HECTD4: variants seen among roughly 807,000 people sequenced by gnomAD.
HECTD4 encodes the protein HECT domain E3 ubiquitin protein ligase 4.
A neutral mutation model predicts 471.5 loss-of-function variants in HECTD4; 114 were observed. The ratio of observed to expected loss-of-function variants is 0.24; its 90% CI spans 0.21 to 0.28. The LOEUF (loss-of-function observed/expected upper bound fraction) is 0.28. Ranked by LOEUF, HECTD4 falls within the 10% of genes least tolerant of loss-of-function variation. The pLI is 1.00. For missense variants in HECTD4, 3,866 were observed against 5,651.5 expected, an observed-to-expected ratio of 0.68 and a Z score of 10.13; for synonymous variants, 2,012 against 2,256.0, an observed-to-expected ratio of 0.89 and a Z score of 3.07.
Position 112,172,806 on chromosome 12 carries a change from C to T in HECTD4, c.11650G>A (p.Glu3884Lys). 6.2e-7 allele frequency: 1 copy of T among 1,613,996 alleles called. No individual in the cohort carries two copies. Among genetic ancestry groups the T allele is most frequent in the Non-Finnish European group, 8.5e-7 (1 of 1,179,892 alleles). The change falls in exon 67 of 76, where the codon GAG becomes AAG. Residue 3884 changes from glutamate (E) to lysine (K), a missense_variant. Coordinates refer to ENST00000682272, the MANE Select transcript of HECTD4 (RefSeq NM_001388303.1). ...TACTGCACAAGTGCCACGTCCATCT[C>T]CAGGGTCCACTTTCTTGAGGCCTTC... ...AQKASRKWTL[E>K]MDVALVQYIN...
At position 112,273,868 on chromosome 12, in the gene HECTD4, C is replaced by T. The variant is rs1014879825; in HGVS notation, c.1802-73G>A. On this transcript the variant is annotated intron_variant, in intron 10 of 75. Coordinates refer to ENST00000682272, the MANE Select transcript of HECTD4 (RefSeq NM_001388303.1). The stretch of plus-strand genomic sequence containing the variant: ...GTATACATATTTCTCACAAGCACTG[C>T]TACAAAGTGGAAGGGCAAGGATGCT... 1.9e-6 allele frequency: 3 copies of T among 1,541,492 alleles called. No homozygotes were observed. The African/African-American group carries it at 4.1e-5, about 21-fold the overall frequency.
intron 69 of HECTD4, 137 bp from the exon 70 acceptor site, chr12:112,169,795 T>C: frequency 1.0e-6 from 1 of 991,810 alleles, no homozygotes. Context: ...CTGTGCCTTC[T>C]CTGCCCTCAG....
chr12:112,288,155 C>T (rs2034796695), intron 7 of HECTD4, among the ~76,000 whole-genome samples: 1 of 151,214 alleles, frequency 6.6e-6, no homozygotes, highest in Non-Finnish European at 1.5e-5. Flanking sequence ...GTGGTTAAAC[C>T]CCATCTCTAC....
At chr12:112,318,112 T>G (rs933604068) in intron 2 of HECTD4, among the ~76,000 whole-genome samples, 1 of 151,462 alleles carries the variant, frequency 6.6e-6, no homozygotes, top group African/African-American at 2.4e-5. Flanking sequence ...CCATCTCTAC[T>G]AAAAATACAA....
At chr12:112,357,161 C>T (rs1235495586) in intron 1 of HECTD4, among the ~76,000 whole-genome samples, 1 of 152,098 alleles carries the variant, frequency 6.6e-6, no homozygotes, top group African/African-American at 2.4e-5. Flanking sequence ...TTCTATGATC[C>T]TAAAGCTAAA....
chr12:112,374,541 A>G (rs1228075431), intron 1 of HECTD4, among the ~76,000 whole-genome samples: 1 of 152,204 alleles, frequency 6.6e-6, no homozygotes, highest in East Asian at 1.9e-4. Context: ...AGCTCACAGA[A>G]TACTGCACCA....
At position 112,162,541 on chromosome 12, in the gene HECTD4, A is replaced by G. The variant is rs755020522; in HGVS notation, c.13121-18T>C. ...TGGGGAACCTACAAGAAACCGAGCC[A>G]GCATCAGAGGGTTGGGCCCACATCT... On this transcript the variant is annotated intron_variant, in intron 75 of 75. Coordinates refer to ENST00000682272, the MANE Select transcript of HECTD4 (RefSeq NM_001388303.1). The surrounding 1 kb of genome is among the most constrained non-coding windows in gnomAD (Gnocchi z 5.2). The G allele has an allele frequency of 1.9e-5, 31 of 1,613,774 alleles. No homozygotes were observed. Among genetic ancestry groups the G allele is most frequent in the Non-Finnish European group, 2.6e-5 (31 of 1,179,862 alleles).
intron 1 of HECTD4, among the ~76,000 whole-genome samples, chr12:112,363,992 CAAAAAAAAAAA>C (rs1175386198): frequency 3.8e-5 from 2 of 52,886 alleles, no homozygotes; most frequent in African/African-American, 1.5e-4. Flanking sequence ...ACTCAATCTC[CAAAAAAAAAAA>C]AAAAAAAAAA....
At chr12:112,214,353 TCA>T (rs768348173) in intron 48 of HECTD4, among the ~76,000 whole-genome samples, 3 of 152,202 alleles carry the variant, frequency 2.0e-5, no homozygotes, top group Non-Finnish European at 4.4e-5. Flanking sequence ...TCTGTTTTGA[TCA>T]CAGAGTCTCC....
At chr12:112,244,152 T>C in intron 29 of HECTD4, 143 bp from the exon 30 acceptor site, 1 of 623,872 alleles carries the variant, frequency 1.6e-6, no homozygotes, top group African/African-American at 1.8e-5. Context: ...AGCATACTGA[T>C]GGTTTTTACA....
At chr12:112,343,946 A>G (rs1229774152) in intron 1 of HECTD4, among the ~76,000 whole-genome samples, 2 of 152,346 alleles carry the variant, frequency 1.3e-5, no homozygotes, top group South Asian at 2.1e-4. Flanking sequence ...AACAACATTG[A>G]TGTTTTTAAA....
intron 20 of HECTD4, among the ~76,000 whole-genome samples, chr12:112,257,836 T>C (rs747071971): frequency 6.6e-6 from 1 of 152,224 alleles, no homozygotes; most frequent in Non-Finnish European, 1.5e-5. Context: ...CTTTCTTTTC[T>C]TGTGTGAATA....
In HECTD4 at chr12:112,248,165, CAACACTCT is replaced by C; in HGVS notation, c.4144-2_4149del. On this transcript the variant is annotated splice_acceptor_variant and coding_sequence_variant, in exon 27 of 76. Coordinates refer to ENST00000682272, the MANE Select transcript of HECTD4 (RefSeq NM_001388303.1). LOFTEE classifies it high-confidence loss of function. ...CTTTGCCATTTTTGTTCCAGTTCTG[CAACACTCT>C]AATAAATACATTAAAATAGATGCAA... 1 of 1,611,676 alleles carries C rather than the reference CAACACTCT, an allele frequency of 6.2e-7. No individual in the cohort carries two copies. Among genetic ancestry groups the C allele is most frequent in the Non-Finnish European group, 8.5e-7 (1 of 1,178,504 alleles).
chr12:112,327,387 T>A (rs900735948), intron 1 of HECTD4, among the ~76,000 whole-genome samples: 1 of 152,016 alleles, frequency 6.6e-6, no homozygotes, highest in Non-Finnish European at 1.5e-5. Flanking sequence ...TGATTTTTTA[T>A]TTATATTAAA....
Position 112,179,481 on chromosome 12 carries a change from G to T in HECTD4, c.10988-84C>A. ...TGCGAGCATTCTGTTTCCAAACACT[G>T]TTTGAAAGGGGCAGTGGATGGACAT... On this transcript the variant is annotated intron_variant, in intron 62 of 75. Coordinates refer to ENST00000682272, the MANE Select transcript of HECTD4 (RefSeq NM_001388303.1). This position sits in a 1 kb window ranked among gnomAD's most constrained non-coding sequence, Gnocchi z 4.3. 1 of 1,207,796 alleles carries T rather than the reference G, an allele frequency of 8.3e-7. No individual in the cohort carries two copies. Among genetic ancestry groups the T allele is most frequent in the Non-Finnish European group, 1.2e-6 (1 of 842,430 alleles). 74.8% of individuals were successfully genotyped at this position (1,207,796 alleles called of 1,614,324 possible).
chr12:112,315,843 C>G (rs1379690587), intron 2 of HECTD4, among the ~76,000 whole-genome samples: 2 of 143,176 alleles, frequency 1.4e-5, no homozygotes, highest in African/African-American at 5.3e-5. Context: ...TTGCAGTGAG[C>G]TATGATCACA....
At chr12:112,349,724 T>A (rs2036219809) in intron 1 of HECTD4, among the ~76,000 whole-genome samples, 1 of 152,126 alleles carries the variant, frequency 6.6e-6, no homozygotes, top group Non-Finnish European at 1.5e-5. Context: ...ATTTCAACCT[T>A]TTCCTGGAAA....
In HECTD4 at chr12:112,190,891, C is replaced by A. The variant is rs768639167; in HGVS notation, c.9367G>T (p.Ala3123Ser). The change falls in exon 60 of 76, where the codon GCA (alanine) becomes TCA (serine). Residue 3123 changes from alanine to serine, a missense_variant. Around this residue, in one of 16 missense-constraint regions of HECTD4, gnomAD observed 364 missense variants for 413.2 expected, o/e 0.88. Transcript: ENST00000682272. ...GATTTCCAGGACAGCAGCTGCTCTG[C>A]GAAGGCCATAGCCAGTGGGAACTCC... ...PLEFPLAMAF[A>S]EQLLSWKSED... The A allele has an allele frequency of 3.8e-6, 6 of 1,575,030 alleles. No individual in the cohort carries two copies. In the South Asian group the frequency reaches 7.0e-5, roughly 18 times the overall value.
chr12:112,215,213 G>A (rs910679116), intron 48 of HECTD4, among the ~76,000 whole-genome samples: 3 of 152,214 alleles, frequency 2.0e-5, no homozygotes, highest in Non-Finnish European at 1.5e-5. Flanking sequence ...CAGGAAAAGT[G>A]TAATTTAACA....
Sources: allele counts gnomAD v4.1 joint callset (sites outside exome capture counted in the v4.1 genomes callset), GRCh38; gene constraint gnomAD v4.1.1; regional missense constraint gnomAD v4.1.1; non-coding constraint Gnocchi (gnomAD v3.1); transcripts MANE v1.5; gene names NCBI Gene and HGNC (gene_info 2026-07-23, HGNC 2026-07-21).